The following EDA variants were observed in gnomAD, a reference collection of about 807,000 sequenced individuals.
EDA encodes the protein ectodysplasin A.
Under a neutral mutation model 23.6 loss-of-function variants are expected in EDA, and 2 were observed. That is an observed-to-expected ratio of 0.08 (90% CI 0.03 to 0.27). EDA has a LOEUF of 0.27. EDA is among the 10% of genes least tolerant of loss of function. The pLI, the probability that EDA is intolerant of heterozygous loss-of-function variation, is 1.00. For missense variants in EDA, 229 were observed against 324.2 expected (o/e 0.71, Z 2.26); for synonymous variants, 131 against 132.0 (o/e 0.99, Z 0.05).
chrX:69,812,474 T>C (rs902373866), intron 1 of EDA, among the ~76,000 whole-genome samples: 6 of 112,577 alleles, frequency 5.3e-5, no homozygotes, highest in African/African-American at 1.6e-4. Flanking sequence ...TTCTGTGCAT[T>C]AGATTCTTCA....
intron 1 of EDA, among the ~76,000 whole-genome samples, chrX:69,733,203 A>G (rs1175905605): frequency 6.3e-5 from 7 of 111,487 alleles, no homozygotes; most frequent in African/African-American, 2.0e-4. Context: ...GGTATTGCCT[A>G]GGTTTTCTTC....
intron 1 of EDA, among the ~76,000 whole-genome samples, chrX:69,697,903 C>G (rs2011407496): frequency 8.9e-6 from 1 of 112,282 alleles, no homozygotes; most frequent in Non-Finnish European, 1.9e-5. Context: ...ACAGACCCCA[C>G]TCTCTTCTGC....
chrX:69,757,003 C>G (rs746434248), intron 1 of EDA: 6 of 111,533 alleles, frequency 5.4e-5, no homozygotes, highest in Non-Finnish European at 1.1e-4. Flanking sequence ...CGCTTGTTTT[C>G]TGTTCTTATC....
chrX:69,659,378 G>A (rs962427679), intron 1 of EDA, among the ~76,000 whole-genome samples: 1 of 111,961 alleles, frequency 8.9e-6, no homozygotes, highest in African/African-American at 3.2e-5. Flanking sequence ...CCTGGGAACT[G>A]TTATAAAACA....
chrX:69,698,296 G>A (rs766572731), intron 1 of EDA, among the ~76,000 whole-genome samples: 6 of 111,501 alleles, frequency 5.4e-5, no homozygotes, highest in Admixed American at 9.5e-5. Flanking sequence ...TGGTGCGACG[G>A]ATCCAGTAGG....
intron 2 of EDA, among the ~76,000 whole-genome samples, chrX:69,961,149 ATT>A (rs1460951041): frequency 8.9e-6 from 1 of 111,868 alleles, no homozygotes; most frequent in East Asian, 2.8e-4. Context: ...TAATTTTTGT[ATT>A]TTTAGTAGAG....
intron 1 of EDA, among the ~76,000 whole-genome samples, chrX:69,700,438 T>TG (rs1333874043): frequency 9.0e-6 from 1 of 111,414 alleles, no homozygotes; most frequent in East Asian, 2.8e-4. Context: ...TTGCGGAAAG[T>TG]GAAGTATATG....
chrX:69,677,989 G>A (rs1359777448), intron 1 of EDA, among the ~76,000 whole-genome samples: 1 of 110,939 alleles, frequency 9.0e-6, no homozygotes, highest in Non-Finnish European at 1.9e-5. Context: ...ATCTTGAATT[G>A]ATTTTTGTAT....
chrX:69,920,624 G>A (rs184138721), intron 1 of EDA, among the ~76,000 whole-genome samples: 217 of 111,224 alleles, frequency 2.0e-3, no homozygotes, highest in African/African-American at 6.7e-3. Context: ...GACTACAGAG[G>A]TAAAATGCCA....
chrX:70,000,147 C>T (rs746269307), intron 2 of EDA, among the ~76,000 whole-genome samples: 1 of 112,156 alleles, frequency 8.9e-6, no homozygotes, highest in South Asian at 3.7e-4. Context: ...ATATTAGAGG[C>T]ATTTCTGCTA....
At chrX:69,782,241 G>C in intron 1 of EDA, among the ~76,000 whole-genome samples, 1 of 109,104 alleles carries the variant, frequency 9.2e-6, no homozygotes, top group Non-Finnish European at 1.9e-5. Flanking sequence ...CATCAAGATG[G>C]GGATGGGGTG....
At position 69,913,353 on chromosome X, in the gene EDA, A is replaced by G. The variant is rs370885350; in HGVS notation, c.397-43674A>G. Among the ~76,000 whole-genome samples the G allele has an allele frequency of 1.7e-4, 19 of 112,438 alleles. No homozygotes were observed. In the East Asian group the frequency reaches 4.2e-3, roughly 25 times the overall value. ...TTCTGGATAACCTGCTGCAGCATCT[A>G]TGTCAGCACCTACTGCTTCATGTTG... is the stretch of plus-strand genomic sequence containing the variant. On this transcript the variant is annotated intron_variant, in intron 1 of 7. Coordinates refer to ENST00000374552, the MANE Select transcript of EDA (RefSeq NM_001399.5).
chrX:69,935,617 C>A (rs1298148717), intron 1 of EDA, among the ~76,000 whole-genome samples: 1 of 111,396 alleles, frequency 9.0e-6, no homozygotes. Flanking sequence ...ACAAGGGAGA[C>A]AAACCAATGT....
intron 1 of EDA, among the ~76,000 whole-genome samples, chrX:69,684,823 T>C (rs1246406117): frequency 8.9e-6 from 1 of 112,572 alleles, no homozygotes; most frequent in Non-Finnish European, 1.9e-5. Flanking sequence ...GCCATTTGTT[T>C]AGCTTTGCTT....
chrX:69,767,596 C>CA (rs1225567802), intron 1 of EDA, among the ~76,000 whole-genome samples: 1 of 111,670 alleles, frequency 9.0e-6, no homozygotes, highest in African/African-American at 3.2e-5. Flanking sequence ...AGATATGTGA[C>CA]AATTCATTTT....
intron 2 of EDA, among the ~76,000 whole-genome samples, chrX:69,990,325 T>A (rs1035814850): frequency 1.6e-4 from 17 of 106,356 alleles, no homozygotes; most frequent in African/African-American, 6.5e-4. Flanking sequence ...GAGCTTCTCG[T>A]TACTGCTAGA....
At chrX:69,627,577 G>A (rs1932431199) in intron 1 of EDA, among the ~76,000 whole-genome samples, 1 of 111,565 alleles carries the variant, frequency 9.0e-6, no homozygotes, top group Non-Finnish European at 1.9e-5. Context: ...GGTTTTTCAG[G>A]TGATGCTGAT....
intron 2 of EDA, among the ~76,000 whole-genome samples, chrX:69,965,290 T>TAA (rs780595986): frequency 1.6e-4 from 18 of 111,610 alleles, no homozygotes; most frequent in African/African-American, 5.9e-4. Flanking sequence ...AAGAAGTTTG[T>TAA]AAGGGTGTAG....
At chrX:69,739,809 A>G (rs1056497961) in intron 1 of EDA, among the ~76,000 whole-genome samples, 2 of 110,931 alleles carry the variant, frequency 1.8e-5, no homozygotes, top group African/African-American at 6.5e-5. Flanking sequence ...TGTTATACAC[A>G]TTACACACAC....
Sources: gnomAD v4.1 joint callset for allele counts (sites outside exome capture counted in the v4.1 genomes callset) on GRCh38, gnomAD v4.1.1 for gene constraint, MANE v1.5 for transcripts, NCBI Gene and HGNC (gene_info 2026-07-23, HGNC 2026-07-21) for gene names.